The following RIMS1 variants were observed in gnomAD, a reference collection of about 807,000 sequenced individuals.
The protein encoded by RIMS1 is regulating synaptic membrane exocytosis 1, also known as regulating synaptic membrane exocytosis protein 1.
RIMS1 carries 83 observed loss-of-function variants against 214.1 expected under a neutral mutation model. The ratio of observed to expected loss-of-function variants is 0.39; its 90% CI spans 0.32 to 0.47. The LOEUF (loss-of-function observed/expected upper bound fraction) is 0.47. RIMS1 is among the 20% of genes least tolerant of loss of function. RIMS1 has a pLI of 0.99. For synonymous variants in RIMS1, 793 were observed against 786.8 expected, an observed-to-expected ratio of 1.01 and a Z score of -0.13; for missense variants, 2,050 against 2,161.8, an observed-to-expected ratio of 0.95 and a Z score of 1.03.
chr6:72,288,128 G>T (rs578090536), intron 24 of RIMS1, among the ~76,000 whole-genome samples: 2 of 152,180 alleles, frequency 1.3e-5, no homozygotes, highest in South Asian at 2.1e-4. Context: ...AGAAAAGAGA[G>T]CAAGCATTGG....
intron 2 of RIMS1, among the ~76,000 whole-genome samples, chr6:72,029,554 A>G (rs1272753921): frequency 6.6e-6 from 1 of 152,160 alleles, no homozygotes; most frequent in Non-Finnish European, 1.5e-5. Context: ...ATTTGTTGGC[A>G]TCATGATATT....
intron 2 of RIMS1, among the ~76,000 whole-genome samples, chr6:72,094,274 G>A (rs1017950357): frequency 6.6e-6 from 1 of 152,076 alleles, no homozygotes; most frequent in South Asian, 2.1e-4. Flanking sequence ...TAGAAGAGAG[G>A]TGTTATGTAC....
intron 2 of RIMS1, among the ~76,000 whole-genome samples, chr6:71,990,523 C>T (rs1801277390): frequency 6.6e-6 from 1 of 152,034 alleles, no homozygotes; most frequent in Non-Finnish European, 1.5e-5. Context: ...GAGAATGCCA[C>T]TATCAAACTT....
rs1807840753 is a variant in RIMS1, at chr6:72,006,781, G to GCCCCTC, written c.245+37719_245+37720insCCCTCC. Among the ~76,000 whole-genome samples the GCCCCTC allele has an allele frequency of 3.9e-5, 6 of 152,366 alleles. No individual in the cohort carries two copies. In the South Asian group the frequency reaches 1.2e-3, roughly 32 times the overall value. ...AGGCAGCAGTGAGGCTGGGGGAGGG[G>GCCCCTC]CGCCTGCCATTGCTGAGGTTTGAGT... On this transcript the variant is annotated intron_variant, in intron 2 of 33. Transcript: ENST00000521978.
At chr6:71,968,370 A>G (rs1378211683) in intron 1 of RIMS1, among the ~76,000 whole-genome samples, 2 of 152,106 alleles carry the variant, frequency 1.3e-5, no homozygotes, top group African/African-American at 2.4e-5. Context: ...AAGACATTTA[A>G]TTACTTTTTT....
chr6:72,044,090 A>C (rs1020969911), intron 2 of RIMS1, among the ~76,000 whole-genome samples: 3 of 151,748 alleles, frequency 2.0e-5, no homozygotes. Context: ...TTTAAAAATA[A>C]ATAGGTTTTT....
At chr6:72,201,580 T>A (rs2051989658) in intron 6 of RIMS1, among the ~76,000 whole-genome samples, 1 of 152,204 alleles carries the variant, frequency 6.6e-6, no homozygotes, top group South Asian at 2.1e-4. Flanking sequence ...ACACTGTTGA[T>A]CAGAGAAGGA....
chr6:72,394,383 A>G (rs1233847615), intron 31 of RIMS1, among the ~76,000 whole-genome samples: 1 of 152,190 alleles, frequency 6.6e-6, no homozygotes, highest in Non-Finnish European at 1.5e-5. Flanking sequence ...AAAGTTATGC[A>G]TAAGGTTACA....
At chr6:72,244,866 T>TCAG (rs2068687855) in intron 10 of RIMS1, among the ~76,000 whole-genome samples, 1 of 151,916 alleles carries the variant, frequency 6.6e-6, no homozygotes, top group East Asian at 1.9e-4. Flanking sequence ...AAAAGTGAAG[T>TCAG]CAGCTCATAA....
intron 2 of RIMS1, among the ~76,000 whole-genome samples, chr6:72,047,245 G>T (rs1442360553): frequency 6.6e-6 from 1 of 152,098 alleles, no homozygotes; most frequent in Non-Finnish European, 1.5e-5. Flanking sequence ...AAGCTCATCA[G>T]ACATAACTAC....
chr6:72,026,463 C>G (rs1486215441), intron 2 of RIMS1, among the ~76,000 whole-genome samples: 9 of 142,842 alleles, frequency 6.3e-5, no homozygotes, highest in East Asian at 4.5e-4. Context: ...CCGCCCCCCC[C>G]CCCAACTTTT....
chr6:71,964,448 C>A (rs1306531440), intron 1 of RIMS1, among the ~76,000 whole-genome samples: 1 of 152,110 alleles, frequency 6.6e-6, no homozygotes, highest in Non-Finnish European at 1.5e-5. Context: ...AGTTAAAAAT[C>A]TATGGTGAGA....
At chr6:72,203,015 G>A (rs1275208151) in intron 6 of RIMS1, among the ~76,000 whole-genome samples, 2 of 151,966 alleles carry the variant, frequency 1.3e-5, no homozygotes, top group African/African-American at 4.8e-5. Flanking sequence ...TTGAGACGGA[G>A]TCTCCCTCTG....
chr6:72,240,730 C>T (rs568897238), intron 9 of RIMS1, among the ~76,000 whole-genome samples: 39 of 147,522 alleles, frequency 2.6e-4, no homozygotes, highest in African/African-American at 8.3e-4. Flanking sequence ...AATTGGTGGC[C>T]GGGCACGGTG....
chr6:72,276,947 A>T (rs1402208892), intron 23 of RIMS1, among the ~76,000 whole-genome samples: 1 of 152,212 alleles, frequency 6.6e-6, no homozygotes, highest in Admixed American at 6.5e-5. Flanking sequence ...GCGTTAGGTG[A>T]CTTTTATTGT....
intron 2 of RIMS1, among the ~76,000 whole-genome samples, chr6:71,982,579 A>G (rs6453569): frequency 0.91 from 138,421 of 152,066 alleles, 63,198 homozygotes; most frequent in East Asian, 1. Flanking sequence ...TCACAGTCAC[A>G]CAGATGGGAA....
At chr6:72,153,875 A>T (rs1441314771) in intron 4 of RIMS1, among the ~76,000 whole-genome samples, 3 of 152,224 alleles carry the variant, frequency 2.0e-5, no homozygotes, top group Non-Finnish European at 2.9e-5. Flanking sequence ...TTTATAGTTT[A>T]AAATTTTAAA....
chr6:72,263,135 T>C, intron 19 of RIMS1: 1 of 984,600 alleles, frequency 1.0e-6, no homozygotes, highest in Non-Finnish European at 1.2e-6. Flanking sequence ...TTTTTGTGAG[T>C]CAAATACATT....
At chr6:72,120,606 T>TG (rs2038066037) in intron 4 of RIMS1, among the ~76,000 whole-genome samples, 1 of 152,004 alleles carries the variant, frequency 6.6e-6, no homozygotes, top group Non-Finnish European at 1.5e-5. Flanking sequence ...GTAGGTTGCC[T>TG]GTTCACTCTG....
Sources: allele counts gnomAD v4.1 joint callset (sites outside exome capture counted in the v4.1 genomes callset), GRCh38; gene constraint gnomAD v4.1.1; transcripts MANE v1.5; gene names NCBI Gene and HGNC (gene_info 2026-07-23, HGNC 2026-07-21).